The following GSK3B variants were observed in gnomAD, a reference collection of about 807,000 sequenced individuals.
GSK3B encodes glycogen synthase kinase 3 beta.
GSK3B carries 15 observed loss-of-function variants against 56.4 expected under a neutral mutation model. The observed-to-expected ratio is 0.27, with a 90% CI of 0.18 to 0.41. GSK3B has a LOEUF of 0.41. Ranked by LOEUF, GSK3B falls within the 10% of genes least tolerant of loss-of-function variation. GSK3B has a pLI of 1.00. For synonymous variants in GSK3B, 181 were observed against 188.9 expected, an observed-to-expected ratio of 0.96 and a Z score of 0.34; for missense variants, 300 against 513.4, an observed-to-expected ratio of 0.58 and a Z score of 4.02.
chr3:119,993,802 CACACACAT>C (rs1362086853), intron 2 of GSK3B, among the ~76,000 whole-genome samples: 6 of 152,200 alleles, frequency 3.9e-5, no homozygotes, highest in Admixed American at 3.9e-4. Flanking sequence ...CACACATGTG[CACACACAT>C]ACACCTATTC....
chr3:119,951,167 G>A (rs532405574), intron 2 of GSK3B, among the ~76,000 whole-genome samples: 18 of 152,334 alleles, frequency 1.2e-4, no homozygotes, highest in Non-Finnish European at 2.5e-4. Flanking sequence ...GTGCACATAT[G>A]GGGGTGGAGG....
chr3:120,010,280 C>A (rs935718232), intron 1 of GSK3B, among the ~76,000 whole-genome samples: 6 of 152,112 alleles, frequency 3.9e-5, no homozygotes, highest in African/African-American at 1.4e-4. Flanking sequence ...ATCTTAACTA[C>A]AACTTTTCAA....
intron 10 of GSK3B, among the ~76,000 whole-genome samples, chr3:119,834,686 G>C (rs370641724): frequency 6.6e-6 from 1 of 152,094 alleles, no homozygotes; most frequent in African/African-American, 2.4e-5. Context: ...AGAAAAAAAA[G>C]GACATATAAA....
intron 2 of GSK3B, among the ~76,000 whole-genome samples, chr3:119,948,239 T>G (rs573242116): frequency 2.0e-5 from 3 of 152,222 alleles, no homozygotes; most frequent in Non-Finnish European, 4.4e-5. Flanking sequence ...AGTATACACC[T>G]GAGAATCTGG....
chr3:120,037,421 G>A (rs1400809606), intron 1 of GSK3B, among the ~76,000 whole-genome samples: 3 of 152,132 alleles, frequency 2.0e-5, no homozygotes, highest in African/African-American at 7.2e-5. Context: ...GTGACAGACT[G>A]AAAAACTGAA....
chr3:120,051,411 G>C (rs961009491), intron 1 of GSK3B, among the ~76,000 whole-genome samples: 7 of 152,148 alleles, frequency 4.6e-5, no homozygotes, highest in Admixed American at 4.6e-4. Context: ...CAGCCACTCA[G>C]TAGACTGGAT....
intron 2 of GSK3B, among the ~76,000 whole-genome samples, chr3:119,969,291 C>CA (rs112664898): frequency 0.016 from 1,665 of 106,766 alleles, 19 homozygotes; most frequent in African/African-American, 0.042. Flanking sequence ...GACTCCATCT[C>CA]AAAAAAAAAA....
chr3:120,060,590 G>T (rs1022883546), intron 1 of GSK3B, among the ~76,000 whole-genome samples: 1 of 152,122 alleles, frequency 6.6e-6, no homozygotes, highest in Non-Finnish European at 1.5e-5. Flanking sequence ...GCCAGGCATG[G>T]TGGCACACAC....
At chr3:119,874,697 T>A (rs2056290233) in intron 8 of GSK3B, among the ~76,000 whole-genome samples, 1 of 151,984 alleles carries the variant, frequency 6.6e-6, no homozygotes, top group East Asian at 1.9e-4. Flanking sequence ...AAAAATAACA[T>A]TATTATTAAA....
chr3:119,860,861 TG>T (rs2108030229), intron 9 of GSK3B, among the ~76,000 whole-genome samples: 1 of 152,312 alleles, frequency 6.6e-6, no homozygotes, highest in African/African-American at 2.4e-5. Context: ...TTATTTTATT[TG>T]GGGGAAGTAG....
intron 4 of GSK3B, among the ~76,000 whole-genome samples, chr3:119,918,631 C>T (rs2056805709): frequency 6.6e-6 from 1 of 152,064 alleles, no homozygotes; most frequent in African/African-American, 2.4e-5. Flanking sequence ...AGCATTTCTG[C>T]CTATTTGCCT....
chr3:119,829,131 T>C (rs148323054), intron 10 of GSK3B, among the ~76,000 whole-genome samples: 2 of 152,286 alleles, frequency 1.3e-5, no homozygotes, highest in Non-Finnish European at 2.9e-5. Flanking sequence ...TAAAGAAGTT[T>C]TACCCTTAAT....
intron 9 of GSK3B, among the ~76,000 whole-genome samples, chr3:119,861,382 G>A (rs1283970734): frequency 6.6e-6 from 1 of 151,742 alleles, no homozygotes; most frequent in African/African-American, 2.4e-5. Flanking sequence ...ATGGTGGCAG[G>A]AGCCTGTAAT....
intron 1 of GSK3B, among the ~76,000 whole-genome samples, chr3:120,010,544 T>C (rs1345641613): frequency 6.6e-6 from 1 of 152,184 alleles, no homozygotes; most frequent in Non-Finnish European, 1.5e-5. Flanking sequence ...GTCAAAACTG[T>C]AACACCAAAA....
intron 1 of GSK3B, among the ~76,000 whole-genome samples, chr3:120,068,261 C>T (rs1468124458): frequency 2.0e-5 from 3 of 151,790 alleles, no homozygotes; most frequent in South Asian, 2.1e-4. Context: ...CATGGTGGCA[C>T]GCGCCTGTAA....
At chr3:119,863,388 A>G (rs1484743230) in intron 9 of GSK3B, 31 bp downstream of exon 9, 8 of 1,556,858 alleles carry the variant, frequency 5.1e-6, no homozygotes, top group Non-Finnish European at 7.1e-6. Flanking sequence ...CTTTCCTAGA[A>G]CTGGTGAAGA....
chr3:119,913,136 G>T (rs1317440976), intron 5 of GSK3B, among the ~76,000 whole-genome samples: 1 of 152,022 alleles, frequency 6.6e-6, no homozygotes, highest in Admixed American at 6.6e-5. Flanking sequence ...AGAAGCAAGG[G>T]CAGAAAAGAG....
chr3:119,879,821 A>G (rs2108052428), intron 7 of GSK3B, among the ~76,000 whole-genome samples: 1 of 152,270 alleles, frequency 6.6e-6, no homozygotes, highest in Middle Eastern at 3.4e-3. Flanking sequence ...CTCATTCTTT[A>G]TGAGTATATA....
intron 3 of GSK3B, among the ~76,000 whole-genome samples, chr3:119,926,352 ACACC>A (rs149829203): frequency 0.017 from 2,540 of 151,406 alleles, 86 homozygotes; most frequent in African/African-American, 0.058. Context: ...ACACACACAC[ACACC>A]CCTATACCCA....
Sources: allele counts gnomAD v4.1 joint callset (sites outside exome capture counted in the v4.1 genomes callset), GRCh38; gene constraint gnomAD v4.1.1; transcripts MANE v1.5; gene names NCBI Gene and HGNC (gene_info 2026-07-23, HGNC 2026-07-21).